Variants in ADCY5 observed in about 807,000 individuals in gnomAD.
ADCY5 encodes adenylate cyclase 5.
In ADCY5, 30 loss-of-function variants were observed where a neutral mutation model predicts 119.7. The ratio of observed to expected loss-of-function variants is 0.25; its 90% CI spans 0.19 to 0.34. The LOEUF (loss-of-function observed/expected upper bound fraction) is 0.34. Ranked by LOEUF, ADCY5 falls within the 10% of genes least tolerant of loss-of-function variation. The probability of loss-of-function intolerance (pLI) is 1.00; values close to 1 mark genes in which losing one functional copy is unlikely to be tolerated. For synonymous variants in ADCY5, 753 were observed against 762.2 expected (o/e 0.99, Z 0.20); for missense variants, 1,324 against 1,775.2 (o/e 0.75, Z 4.57).
At chr3:123,327,490 G>T in intron 7 of ADCY5, 128 bp downstream of exon 7, 1 of 1,027,056 alleles carries the variant, frequency 9.7e-7, no homozygotes, top group Non-Finnish European at 1.4e-6. Flanking sequence ...TTTTTAAGAT[G>T]CAGGAACCGC....
chr3:123,327,246 C>CAG (rs1169348379), intron 7 of ADCY5, among the ~76,000 whole-genome samples: 1 of 151,712 alleles, frequency 6.6e-6, no homozygotes, highest in South Asian at 2.1e-4. Flanking sequence ...ATCTATGGAT[C>CAG]AGAGAGAGAG....
At position 123,448,327 on chromosome 3, in the gene ADCY5, C is replaced by G; in HGVS notation, c.219G>C (p.Trp73Cys). 2 of 1,536,638 alleles carry G rather than the reference C, an allele frequency of 1.3e-6. No individual in the cohort carries two copies. Among genetic ancestry groups the G allele is most frequent in the South Asian group, 2.4e-5 (2 of 84,636 alleles). ...GAGGATCGTCGTCGTCGTCGCTGCG[C>G]CAGCGGCTGGCCAGGCGCTGCTGCT... The part of the protein sequence containing the change: ...PQQQQRLASR[W>C]RSDDDDDPPL... Residue 73 changes from tryptophan to cysteine, a missense_variant, in exon 1 of 21, where the codon TGG (tryptophan) becomes TGC (cysteine). By Grantham distance (215) the Trp-to-Cys change is radical. Around this residue, in one of 6 missense-constraint regions of ADCY5, gnomAD observed 585 missense variants for 569.9 expected, o/e 1.03. Transcript: ENST00000462833.
intron 1 of ADCY5, among the ~76,000 whole-genome samples, chr3:123,363,859 C>T (rs6771801): frequency 0.18 from 27,249 of 152,116 alleles, 2,832 homozygotes; most frequent in Middle Eastern, 0.25. Flanking sequence ...CGGTGAGCCA[C>T]GATTACACCA....
chr3:123,302,422 C>T (rs1006727433), intron 14 of ADCY5, among the ~76,000 whole-genome samples: 1 of 152,192 alleles, frequency 6.6e-6, no homozygotes, highest in Admixed American at 6.5e-5. Context: ...CATCGGTGAA[C>T]ACACTAAAAG....
chr3:123,367,175 C>T (rs1325609625), intron 1 of ADCY5, among the ~76,000 whole-genome samples: 4 of 152,222 alleles, frequency 2.6e-5, no homozygotes, highest in African/African-American at 9.6e-5. Context: ...GAATCTATGC[C>T]AGGCACCGGC....
Position 123,448,156 on chromosome 3 carries a change from C to T in ADCY5, c.390G>A (p.Ala130=), listed in dbSNP as rs967901257. The part of the protein sequence containing the change: ...RGAASGGSTR[A]PPAGGGGGSA... ...AGCCGCCGCCGCCGCCCGCAGGGGG[C>T]GCCCGGGTGCTGCCCCCGCTGGCCG... is the stretch of plus-strand genomic sequence containing the variant. The change falls in exon 1 of 21, where the codon GCG becomes GCA. Residue 130 remains alanine, a synonymous_variant. Transcript: ENST00000462833. 6.7e-6 allele frequency: 7 copies of T among 1,051,768 alleles called. No individual in the cohort carries two copies. The highest frequency in any genetic ancestry group is 5.7e-6 in the Non-Finnish European group (5 of 876,998). 65.2% of individuals were successfully genotyped at this position (1,051,768 alleles called of 1,614,324 possible). A position where few individuals can be genotyped will look rare whatever the true frequency, so the allele number is the denominator to read the frequency against.
At chr3:123,308,028 C>CTTTTTTTTTTTTT (rs1178147327) in intron 12 of ADCY5, among the ~76,000 whole-genome samples, 2 of 85,664 alleles carry the variant, frequency 2.3e-5, no homozygotes, top group Non-Finnish European at 4.2e-5. Flanking sequence ...TTTTCATGCT[C>CTTTTTTTTTTTTT]TTTTTTTTTT....
At chr3:123,367,931 G>A (rs778106416) in intron 1 of ADCY5, 1 of 1,535,764 alleles carries the variant, frequency 6.5e-7, no homozygotes, top group African/African-American at 1.4e-5. Context: ...AACCTAGATG[G>A]GGCCATGTCT....
intron 15 of ADCY5, among the ~76,000 whole-genome samples, chr3:123,297,845 G>GT (rs1301290114): frequency 1.3e-5 from 2 of 152,018 alleles, no homozygotes; most frequent in African/African-American, 4.8e-5. Flanking sequence ...AATAATTAGT[G>GT]TAAAAAAAGG....
intron 8 of ADCY5, among the ~76,000 whole-genome samples, chr3:123,322,741 T>C (rs768913404): frequency 2.6e-5 from 4 of 152,174 alleles, no homozygotes; most frequent in Non-Finnish European, 4.4e-5. Flanking sequence ...TTTTTATTAA[T>C]AAATAACCTT....
At chr3:123,386,949 C>T (rs948189636) in intron 1 of ADCY5, among the ~76,000 whole-genome samples, 1 of 152,204 alleles carries the variant, frequency 6.6e-6, no homozygotes, top group African/African-American at 2.4e-5. Flanking sequence ...AGCCATGACC[C>T]AGCACAGCTC....
At position 123,346,641 on chromosome 3, in the gene ADCY5, CTG is replaced by C. The variant is rs1553731679; in HGVS notation, c.1406+1139_1406+1140del. On this transcript the variant is annotated intron_variant, in intron 3 of 20. Coordinates refer to ENST00000462833, the MANE Select transcript of ADCY5 (RefSeq NM_183357.3). ...TCTCTCTCTCTCTCTCTCTCTCTCT[CTG>C]TGTGTATGTGTGTGTGTGTGTGAGA... Among the ~76,000 whole-genome samples the C allele has an allele frequency of 8.6e-3, 1,239 of 144,420 alleles. 28 individuals are homozygous for C. The highest frequency in any genetic ancestry group is 0.013 in the South Asian group (58 of 4,514). The allele number at this position is 144,420 out of a possible 152,430, so 94.7% of individuals were successfully genotyped here. A position where few individuals can be genotyped will look rare whatever the true frequency, so the allele number is the denominator to read the frequency against.
intron 1 of ADCY5, among the ~76,000 whole-genome samples, chr3:123,363,661 C>T (rs1943335841): frequency 1.3e-5 from 2 of 152,358 alleles, no homozygotes; most frequent in South Asian, 2.1e-4. Flanking sequence ...GTAATCCCAT[C>T]ACTTTGGGAG....
chr3:123,324,718 C>G (rs918845055), intron 8 of ADCY5, among the ~76,000 whole-genome samples: 1 of 152,148 alleles, frequency 6.6e-6, no homozygotes, highest in African/African-American at 2.4e-5. Context: ...AGGCAGGGTC[C>G]CTGGAGGTGG....
chr3:123,340,302 G>T (rs74860490), intron 3 of ADCY5, among the ~76,000 whole-genome samples: 1 of 151,980 alleles, frequency 6.6e-6, no homozygotes, highest in Non-Finnish European at 1.5e-5. Context: ...AAAAAAAGTA[G>T]AATAAAAAAG....
At chr3:123,444,305 C>G (rs1389186477) in intron 1 of ADCY5, among the ~76,000 whole-genome samples, 1 of 152,134 alleles carries the variant, frequency 6.6e-6, no homozygotes, top group Non-Finnish European at 1.5e-5. Context: ...AAGAGCACAG[C>G]AGAGGCTGAG....
intron 1 of ADCY5, among the ~76,000 whole-genome samples, chr3:123,357,344 A>G (rs780582415): frequency 3.3e-5 from 5 of 152,090 alleles, no homozygotes; most frequent in Non-Finnish European, 5.9e-5. Flanking sequence ...CTGAGGCCAG[A>G]AAGAGAGGCC....
intron 1 of ADCY5, among the ~76,000 whole-genome samples, chr3:123,432,767 T>C (rs1311053948): frequency 1.3e-5 from 2 of 152,180 alleles, no homozygotes; most frequent in Non-Finnish European, 2.9e-5. Context: ...CCTCAAGCAA[T>C]CTTCCTGCCT....
intron 1 of ADCY5, among the ~76,000 whole-genome samples, chr3:123,425,532 G>C (rs555965272): frequency 2.0e-5 from 3 of 152,204 alleles, no homozygotes; most frequent in African/African-American, 7.2e-5. Flanking sequence ...GGAAGAAGCA[G>C]CTGTATGGCT....
Sources: allele counts gnomAD v4.1 joint callset (sites outside exome capture counted in the v4.1 genomes callset), GRCh38; gene constraint gnomAD v4.1.1; regional missense constraint gnomAD v4.1.1; transcripts MANE v1.5; gene names NCBI Gene and HGNC (gene_info 2026-07-23, HGNC 2026-07-21).